Variants in ITSN2 observed in about 807,000 individuals in gnomAD.
The protein encoded by ITSN2 is intersectin-2.
Under a neutral mutation model 243.7 loss-of-function variants are expected in ITSN2, and 156 were observed. That is an observed-to-expected ratio of 0.64 (90% confidence interval 0.56 to 0.73). The LOEUF (loss-of-function observed/expected upper bound fraction) is 0.73, where lower values mean the gene tolerates loss of function less well. Ranked by LOEUF, ITSN2 falls within the 30% of genes least tolerant of loss-of-function variation. The pLI is 0.00. For synonymous variants in ITSN2, 703 were observed against 699.9 expected, an observed-to-expected ratio of 1.00 and a Z score of -0.07; for missense variants, 1,801 against 1,996.1, an observed-to-expected ratio of 0.90 and a Z score of 1.86.
intron 13 of ITSN2, among the ~76,000 whole-genome samples, chr2:24,296,271 A>C (rs1416445005): frequency 6.6e-6 from 1 of 152,134 alleles, no homozygotes; most frequent in East Asian, 1.9e-4. Context: ...TCTGTTCTAT[A>C]CTAATATTCT....
intron 37 of ITSN2, 92 bp from the exon 38 acceptor site, chr2:24,205,389 C>G: frequency 9.5e-7 from 1 of 1,055,644 alleles, no homozygotes; most frequent in East Asian, 2.5e-5. Flanking sequence ...GGCTCCCTGT[C>G]CCCATCTGCC....
chr2:24,209,505 C>A (rs1233405971), intron 35 of ITSN2, among the ~76,000 whole-genome samples: 4 of 152,226 alleles, frequency 2.6e-5, no homozygotes, highest in Admixed American at 2.6e-4. Context: ...TCTCTGCTAG[C>A]AACGCTGGTG....
chr2:24,312,989 A>G (rs1349961519), intron 4 of ITSN2, among the ~76,000 whole-genome samples: 2 of 152,126 alleles, frequency 1.3e-5, no homozygotes, highest in Non-Finnish European at 2.9e-5. Context: ...GAAAATTCTA[A>G]TGAAATTAGA....
chr2:24,339,470 CAAA>C (rs56081206), intron 1 of ITSN2, among the ~76,000 whole-genome samples: 12 of 79,660 alleles, frequency 1.5e-4, no homozygotes, highest in Admixed American at 4.5e-4. Context: ...GACGCCGTCT[CAAA>C]AAAAAAAAAA....
chr2:24,271,966 G>A (rs1304566078), intron 18 of ITSN2, 25 bp from the exon 19 acceptor site: 2 of 1,358,788 alleles, frequency 1.5e-6, no homozygotes, highest in East Asian at 3.0e-5. Context: ...AAAAGAGTTT[G>A]TATAATGTCC....
chr2:24,303,383 C>G (rs373640907), intron 9 of ITSN2, among the ~76,000 whole-genome samples: 1 of 152,012 alleles, frequency 6.6e-6, no homozygotes, highest in African/African-American at 2.4e-5. Context: ...TCAGTTTTTA[C>G]CGAAAGTTTA....
chr2:24,337,321 T>TATATATATACATAC (rs1553395918), intron 1 of ITSN2, among the ~76,000 whole-genome samples: 1 of 80,890 alleles, frequency 1.2e-5, no homozygotes, highest in Non-Finnish European at 2.4e-5. Context: ...ACAAAATATA[T>TATATATATACATAC]ATATATATAT....
rs201281903 is a variant in ITSN2 at position 24,261,610 on chromosome 2, C to T, written c.2488G>A (p.Ala830Thr). 2.5e-6 allele frequency: 4 copies of T among 1,613,608 alleles called. No individual in the cohort carries two copies. In the East Asian group the frequency reaches 6.7e-5, roughly 27 times the overall value. The change falls in exon 21 of 40, where the codon GCC (alanine) becomes ACC (threonine). Residue 830 changes from alanine (A) to threonine (T), a missense_variant. By Grantham distance (58) the Ala-to-Thr change is moderately conservative (BLOSUM62 0). Transcript: ENST00000355123. ...AAAGAAACTGTAGGAGGAAGTAAGG[C>T]CTTCTTTGGAGATACAGCTTTTTCA... Reference protein sequence around the residue: ...ENEKAVSPKKALLPPTVSLSA... With the variant: ...ENEKAVSPKKTLLPPTVSLSA...
At chr2:24,256,244 T>A (rs1675037778) in intron 23 of ITSN2, among the ~76,000 whole-genome samples, 1 of 152,026 alleles carries the variant, frequency 6.6e-6, no homozygotes. Context: ...AATCAATCAA[T>A]CCAAAATTCC....
At chr2:24,206,687 T>A (rs1668923958) in intron 37 of ITSN2, among the ~76,000 whole-genome samples, 1 of 152,086 alleles carries the variant, frequency 6.6e-6, no homozygotes, top group African/African-American at 2.4e-5. Flanking sequence ...CCCACTGGCA[T>A]AAGTCACATG....
intron 29 of ITSN2, among the ~76,000 whole-genome samples, chr2:24,237,056 A>G (rs969533578): frequency 7.2e-5 from 11 of 152,056 alleles, no homozygotes; most frequent in East Asian, 1.9e-4. Context: ...GATGGTGGCA[A>G]TATCAGCACA....
At position 24,308,736 on chromosome 2, in the gene ITSN2, GA is replaced by G; in HGVS notation, c.673del (p.Ser225HisfsTer22). On this transcript the variant is annotated frameshift_variant, in exon 8 of 40. Transcript: ENST00000355123. LOFTEE classifies it high-confidence loss of function. Reference sequence around the variant, plus strand: ...AGTCTTGGGTGAGTTCCCTGAGAGTGAAGCAGTCGAGGAAGTTGAGCTATAA... The same window carrying G: ...AGTCTTGGGTGAGTTCCCTGAGAGTGAGCAGTCGAGGAAGTTGAGCTATAA... Reference protein sequence around the residue: ...GSSSSTSSTASLSGNSPKTGT... With the variant: ...GSSSSTSSTAXLSGNSPKTGT... 6.8e-7 allele frequency: 1 copy of G among 1,459,964 alleles called. No homozygotes were observed. The highest frequency in any genetic ancestry group is 9.1e-7 in the Non-Finnish European group (1 of 1,099,804). 90.4% of individuals were successfully genotyped at this position (1,459,964 alleles called of 1,614,324 possible). A position where few individuals can be genotyped will look rare whatever the true frequency, so the allele number is the denominator to read the frequency against.
At chr2:24,210,355 A>C in intron 34 of ITSN2, 1 of 347,030 alleles carries the variant, frequency 2.9e-6, no homozygotes, top group Non-Finnish European at 5.3e-6. Flanking sequence ...TCATGCCTGC[A>C]ATCCCAGCAC....
At chr2:24,340,894 T>C (rs939284725) in intron 1 of ITSN2, among the ~76,000 whole-genome samples, 4 of 152,028 alleles carry the variant, frequency 2.6e-5, no homozygotes, top group Admixed American at 1.3e-4. Context: ...AGAAGACTGG[T>C]CTTTTAAGAG....
At chr2:24,209,301 T>G in intron 35 of ITSN2, 80 bp from the exon 36 acceptor site, 1 of 1,565,678 alleles carries the variant, frequency 6.4e-7, no homozygotes, top group Admixed American at 1.7e-5. Flanking sequence ...AGAGTTCTGT[T>G]TGTTCTGAAG....
intron 20 of ITSN2, 62 bp from the exon 21 acceptor site, chr2:24,261,804 G>A: frequency 8.0e-7 from 1 of 1,254,012 alleles, no homozygotes; most frequent in Non-Finnish European, 1.1e-6. Flanking sequence ...AATGGAAAGA[G>A]ATGAAAACTA....
intron 1 of ITSN2, among the ~76,000 whole-genome samples, chr2:24,350,939 A>C (rs902454535): frequency 9.2e-5 from 14 of 152,362 alleles, no homozygotes; most frequent in African/African-American, 3.1e-4. Context: ...TACTGGTTGC[A>C]CAAGTCTGTG....
At chr2:24,260,316 G>C (rs1480649740) in intron 22 of ITSN2, among the ~76,000 whole-genome samples, 2 of 151,982 alleles carry the variant, frequency 1.3e-5, no homozygotes, top group Non-Finnish European at 2.9e-5. Context: ...TTTGAGTGAA[G>C]GTGAAATCTG....
chr2:24,325,391 C>T lies in ITSN2; in HGVS notation c.31+2661G>A, dbSNP rs185790533. The stretch of plus-strand genomic sequence containing the variant: ...TACCACTACACTCCAACCTGGGCAA[C>T]AGAGTGGAGACCCTGTCTCAAAAAA... On this transcript the variant is annotated intron_variant, in intron 2 of 39. Transcript: ENST00000355123. 9.3e-4 allele frequency among the ~76,000 whole-genome samples: 141 copies of T among 152,114 alleles called. 2 individuals carry two copies. The highest frequency in any genetic ancestry group is 6.2e-4 in the Non-Finnish European group (42 of 68,006).
Sources: gnomAD v4.1 joint callset for allele counts (sites outside exome capture counted in the v4.1 genomes callset) on GRCh38, gnomAD v4.1.1 for gene constraint, MANE v1.5 for transcripts, NCBI Gene and HGNC (gene_info 2026-07-23, HGNC 2026-07-21) for gene names.